Variants in RGN observed in about 807,000 individuals in gnomAD.
RGN encodes the protein epididymis secretory protein Li 41.
Under a neutral mutation model 20.6 loss-of-function variants are expected in RGN, and 19 were observed. The ratio of observed to expected loss-of-function variants is 0.92; its 90% confidence interval spans 0.64 to 1.35. RGN has a LOEUF of 1.35. RGN is among the 40% of genes most tolerant of loss of function. The probability of loss-of-function intolerance (pLI) is 0.00; values close to 1 mark genes in which losing one functional copy is unlikely to be tolerated. For missense variants in RGN, 302 were observed against 232.7 expected (o/e 1.30, Z -1.94); for synonymous variants, 85 against 87.2 (o/e 0.97, Z 0.14).
chrX:47,085,427 G>A (rs1458403384), intron 4 of RGN, among the ~76,000 whole-genome samples: 1 of 110,125 alleles, frequency 9.1e-6, no homozygotes, highest in African/African-American at 3.3e-5. Flanking sequence ...TGAGGCAGGA[G>A]AATGGCATGC....
intron 3 of RGN, among the ~76,000 whole-genome samples, chrX:47,082,303 CTT>C (rs11286766): frequency 8.4e-5 from 5 of 59,250 alleles, no homozygotes; most frequent in African/African-American, 1.3e-4. Context: ...GGGACCTCAA[CTT>C]TTTTTTTTTT....
Position 47,091,674 on chromosome X carries a change from A to G in RGN, c.563-4A>G. On this transcript the variant is annotated splice_polypyrimidine_tract_variant and splice_region_variant and intron_variant, in intron 5 of 7. Transcript: ENST00000397180. Reference sequence around the variant, plus strand: ...CTGTTTTTGTTTTTGCCTTTTAACCATAGCCAACCGCAGAAGTGTTTACAA... The same window carrying G: ...CTGTTTTTGTTTTTGCCTTTTAACCGTAGCCAACCGCAGAAGTGTTTACAA... 1 of 1,203,928 alleles carries G rather than the reference A, an allele frequency of 8.3e-7. No individual in the cohort carries two copies. The highest frequency in any genetic ancestry group is 3.0e-5 in the East Asian group (1 of 33,742).
Position 47,091,765 on chromosome X carries a change from C to T in RGN, c.650C>T (p.Ala217Val). The change falls in exon 6 of 8, where the codon GCC becomes GTC. Residue 217 changes from alanine to valine, a missense_variant. Coordinates refer to ENST00000397180, the MANE Select transcript of RGN (RefSeq NM_152869.4). ...GATGCTGAGGGGAAGCTCTGGGTGG[C>T]CTGTTACAATGGAGGAAGAGTGATT... ...CIDAEGKLWV[A>V]CYNGGRVIRL... 8.3e-7 allele frequency: 1 copy of T among 1,210,342 alleles called. No homozygotes were observed. The highest frequency in any genetic ancestry group is 1.8e-5 in the South Asian group (1 of 56,838).
intron 1 of RGN, among the ~76,000 whole-genome samples, chrX:47,079,368 GT>G (rs1345395928): frequency 0.11 from 2,801 of 25,724 alleles, 100 homozygotes; most frequent in African/African-American, 0.38. Context: ...TTTTTTTTTT[GT>G]TTTGTTTTGG....
At chrX:47,082,822 G>A (rs1484056862) in intron 3 of RGN, among the ~76,000 whole-genome samples, 1 of 102,789 alleles carries the variant, frequency 9.7e-6, no homozygotes, top group African/African-American at 3.6e-5. Context: ...GGAAAAAGCT[G>A]TGGTGTCAGC....
intron 3 of RGN, among the ~76,000 whole-genome samples, 166 bp downstream of exon 3, chrX:47,081,473 T>C (rs1930305688): frequency 9.6e-6 from 1 of 103,934 alleles, no homozygotes; most frequent in South Asian, 5.0e-4. Flanking sequence ...GGATGGTCAA[T>C]ACTTTCCTCT....
intron 1 of RGN, among the ~76,000 whole-genome samples, chrX:47,080,039 A>G (rs1556380652): frequency 9.0e-6 from 1 of 110,825 alleles, no homozygotes; most frequent in Non-Finnish European, 1.9e-5. Flanking sequence ...ATGTGCCACT[A>G]CACCCGCTAA....
intron 4 of RGN, among the ~76,000 whole-genome samples, chrX:47,088,698 G>A (rs781805113): frequency 7.4e-5 from 8 of 108,748 alleles, no homozygotes; most frequent in Admixed American, 2.0e-4. Context: ...TTGGGAGGCC[G>A]AGGCAAGTAG....
Position 47,084,428 on chromosome X carries a change from C to A in RGN, c.174C>A (p.Val58=). The A allele has an allele frequency of 8.3e-7, 1 of 1,201,518 alleles. No homozygotes were observed. Among genetic ancestry groups the A allele is most frequent in the Non-Finnish European group, 1.1e-6 (1 of 890,218 alleles). The change falls in exon 4 of 8, where the codon GTC becomes GTA. Residue 58 remains valine (V), a synonymous_variant. Transcript: ENST00000397180. The stretch of plus-strand genomic sequence containing the variant: ...GCTTTACCTCTACAGATGCCCCAGT[C>A]AGCTCCGTGGCTCTTCGCCAGTCGG... ...QVQRVTMDAP[V]SSVALRQSGG... is the part of the protein sequence containing the mutation.
intron 1 of RGN, among the ~76,000 whole-genome samples, chrX:47,079,363 T>TG (rs1556380322): frequency 2.0e-5 from 1 of 51,246 alleles, no homozygotes; most frequent in Non-Finnish European, 3.3e-5. Context: ...TTTGTTTTTT[T>TG]TTTTGTTTTG....
rs1342857901 is a variant in RGN at position 47,089,596 on chromosome X, T to TAC, written c.347-179_347-178insCA. Among the ~76,000 whole-genome samples the TAC allele has an allele frequency of 5.8e-3, 225 of 38,860 alleles. 2 individuals carry two copies. The highest frequency in any genetic ancestry group is 0.018 in the African/African-American group (108 of 6,115). 33.7% of individuals were successfully genotyped at this position (38,860 alleles called of 115,157 possible). On this transcript the variant is annotated intron_variant, in intron 4 of 7. Coordinates refer to ENST00000397180, the MANE Select transcript of RGN (RefSeq NM_152869.4). ...TATATACTTTATATATATATATATA[T>TAC]ATACACACACACACACACACACACA... is the stretch of plus-strand genomic sequence containing the variant.
chrX:47,081,528 G>A (rs914448666), intron 3 of RGN, among the ~76,000 whole-genome samples: 2 of 104,884 alleles, frequency 1.9e-5, no homozygotes, highest in Non-Finnish European at 2.0e-5. Flanking sequence ...TTTTTGGGGG[G>A]GGGGGTGTTT....
In RGN at chrX:47,093,163, G is replaced by A; in HGVS notation, c.*216G>A. On this transcript the variant is annotated 3_prime_UTR_variant, in exon 8 of 8. Transcript: ENST00000397180. Reference sequence around the variant, plus strand: ...AAGGCTTTCTGTAAAAGGTACTATAGAAGGGCGAAGAATCGTTCAACTGTC... The same window carrying A: ...AAGGCTTTCTGTAAAAGGTACTATAAAAGGGCGAAGAATCGTTCAACTGTC... The A allele has an allele frequency of 2.6e-6, 1 of 388,022 alleles. No homozygotes were observed. The highest frequency in any genetic ancestry group is 4.4e-6 in the Non-Finnish European group (1 of 226,098). 32.0% of individuals were successfully genotyped at this position (388,022 alleles called of 1,213,427 possible). A position where few individuals can be genotyped will look rare whatever the true frequency, so the allele number is the denominator to read the frequency against.
chrX:47,083,481 TA>T (rs782490343), intron 3 of RGN, among the ~76,000 whole-genome samples: 2 of 111,994 alleles, frequency 1.8e-5, no homozygotes, highest in Non-Finnish European at 3.8e-5. Context: ...TGTAGTAATA[TA>T]ATGAAGAGAT....
At chrX:47,083,666 T>C (rs1364921443) in intron 3 of RGN, among the ~76,000 whole-genome samples, 1 of 112,078 alleles carries the variant, frequency 8.9e-6, no homozygotes, top group Admixed American at 9.5e-5. Context: ...ATCCCAACAC[T>C]TTGTGAGGCC....
chrX:47,089,342 T>TTA (rs1272143903), intron 4 of RGN, among the ~76,000 whole-genome samples: 3 of 25,365 alleles, frequency 1.2e-4, no homozygotes, highest in Non-Finnish European at 1.7e-4. Context: ...AATTGTCATT[T>TTA]TATATATATA....
rs369024325 is a variant in RGN at position 47,089,834 on chromosome X, C to T, written c.405C>T (p.Tyr135=). 94 of 1,204,953 alleles carry T rather than the reference C, an allele frequency of 7.8e-5. No individual in the cohort carries two copies. The highest frequency in any genetic ancestry group is 1.0e-4 in the Non-Finnish European group (90 of 893,894). ...AVLERHQGAL[Y]SLFPDHHVKK... ...TTGAGCGGCACCAGGGGGCCCTGTA[C>T]TCCCTCTTTCCTGATCACCACGTGA... The change falls in exon 5 of 8, where the codon TAC becomes TAT. Residue 135 remains tyrosine (Y), a synonymous_variant. Transcript: ENST00000397180.
intron 4 of RGN, chrX:47,087,602 T>A (rs782613576): frequency 9.2e-6 from 1 of 109,264 alleles, no homozygotes; most frequent in Admixed American, 1.0e-4. Flanking sequence ...CATGAAGAGC[T>A]CCATATTTTT....
At chrX:47,090,508 G>C (rs1427641253) in intron 5 of RGN, among the ~76,000 whole-genome samples, 1 of 110,221 alleles carries the variant, frequency 9.1e-6, no homozygotes, top group Non-Finnish European at 1.9e-5. Flanking sequence ...GTAATTGCAC[G>C]TTGTCCAACT....
Sources: allele counts gnomAD v4.1 joint callset (sites outside exome capture counted in the v4.1 genomes callset), GRCh38; gene constraint gnomAD v4.1.1; transcripts MANE v1.5; gene names NCBI Gene and HGNC (gene_info 2026-07-23, HGNC 2026-07-21).